CTNNA3: variants seen among roughly 807,000 people sequenced by gnomAD.
CTNNA3 encodes catenin alpha-3.
In CTNNA3, 76 loss-of-function variants were observed where a neutral mutation model predicts 95.7. That is an observed-to-expected ratio of 0.79 (90% CI 0.66 to 0.96). The LOEUF is 0.96. Among genes scored for constraint, CTNNA3 ranks in the 40% least tolerant of loss-of-function variants. CTNNA3 has a pLI of 0.00. For missense variants in CTNNA3, 1,191 were observed against 1,089.8 expected, an observed-to-expected ratio of 1.09 and a Z score of -1.31; for synonymous variants, 431 against 374.4, an observed-to-expected ratio of 1.15 and a Z score of -1.74.
At chr10:67,761,087 G>C (rs562651875) in intron 1 of CTNNA3, among the ~76,000 whole-genome samples, 1 of 152,242 alleles carries the variant, frequency 6.6e-6, no homozygotes, top group South Asian at 2.1e-4. Context: ...CTACAAACCT[G>C]TACAACATAT....
At chr10:66,399,382 A>T (rs1335731043) in intron 11 of CTNNA3, among the ~76,000 whole-genome samples, 1 of 151,698 alleles carries the variant, frequency 6.6e-6, no homozygotes, top group Non-Finnish European at 1.5e-5. Context: ...ATTTTAACAG[A>T]AAAAAACCAC....
intron 7 of CTNNA3, among the ~76,000 whole-genome samples, chr10:67,110,624 C>A (rs1858871612): frequency 6.6e-6 from 1 of 152,108 alleles, no homozygotes; most frequent in Non-Finnish European, 1.5e-5. Context: ...CTTTCCTTTG[C>A]AGGTTTGTAC....
At chr10:66,973,648 C>T (rs1005540045) in intron 7 of CTNNA3, among the ~76,000 whole-genome samples, 5 of 152,104 alleles carry the variant, frequency 3.3e-5, no homozygotes, top group Non-Finnish European at 5.9e-5. Context: ...TGTTTCAAGA[C>T]GGAGTCTCAC....
At position 65,965,393 on chromosome 10, in the gene CTNNA3, C is replaced by CTTTTTT. The variant is rs561552884; in HGVS notation, c.2400+1213_2400+1218dup. Among the ~76,000 whole-genome samples, 95 of 77,674 alleles carry CTTTTTT rather than the reference C, an allele frequency of 1.2e-3. 7 individuals carry two copies. Among genetic ancestry groups the CTTTTTT allele is most frequent in the African/African-American group, 2.6e-3 (50 of 19,056 alleles). The allele number at this position is 77,674 out of a possible 152,430, so 51.0% of individuals were successfully genotyped here. On this transcript the variant is annotated intron_variant, in intron 17 of 17. Coordinates refer to ENST00000433211, the MANE Select transcript of CTNNA3 (RefSeq NM_013266.4). Reference sequence around the variant, plus strand: ...GTCACTATTTGTTTCCTCCCCTCTACTTTTTTTTTTTTTTTTTTTTTTTTT... The same window carrying CTTTTTT: ...GTCACTATTTGTTTCCTCCCCTCTACTTTTTTTTTTTTTTTTTTTTTTTTTTTTTTT...
chr10:66,300,237 A>G (rs914014113), intron 12 of CTNNA3, among the ~76,000 whole-genome samples: 4 of 152,130 alleles, frequency 2.6e-5, no homozygotes, highest in African/African-American at 9.7e-5. Context: ...AATATCACAG[A>G]TATAATTTTT....
chr10:67,047,062 T>C (rs1854800115), intron 7 of CTNNA3, among the ~76,000 whole-genome samples: 1 of 152,222 alleles, frequency 6.6e-6, no homozygotes, highest in African/African-American at 2.4e-5. Context: ...TCTGATTCCT[T>C]GCTTCTGCTT....
chr10:67,355,417 T>G (rs1483621779), intron 5 of CTNNA3, among the ~76,000 whole-genome samples: 1 of 151,970 alleles, frequency 6.6e-6, no homozygotes, highest in African/African-American at 2.4e-5. Flanking sequence ...CTAGTTTTAT[T>G]TAAACTAACC....
At chr10:66,461,669 C>T (rs865869349) in intron 11 of CTNNA3, among the ~76,000 whole-genome samples, 5 of 139,322 alleles carry the variant, frequency 3.6e-5, no homozygotes, top group Admixed American at 2.1e-4. Context: ...AGTTTGCACT[C>T]ACGTTATATA....
At chr10:67,231,064 A>G (rs966456931) in intron 5 of CTNNA3, among the ~76,000 whole-genome samples, 26 of 152,172 alleles carry the variant, frequency 1.7e-4, no homozygotes, top group Admixed American at 6.5e-4. Context: ...CAGCAGTCTG[A>G]GATCAAACTG....
intron 13 of CTNNA3, among the ~76,000 whole-genome samples, chr10:66,237,972 T>C (rs2089935323): frequency 6.6e-6 from 1 of 152,060 alleles, no homozygotes; most frequent in Non-Finnish European, 1.5e-5. Flanking sequence ...CTATAAATGA[T>C]AAATTTTTTT....
At chr10:67,273,466 T>A (rs76237251) in intron 5 of CTNNA3, among the ~76,000 whole-genome samples, 1 of 152,148 alleles carries the variant, frequency 6.6e-6, no homozygotes, top group African/African-American at 2.4e-5. Flanking sequence ...AGAACTCTTA[T>A]ACATTAGTCA....
chr10:66,971,241 C>G (rs1367951940), intron 7 of CTNNA3, among the ~76,000 whole-genome samples: 1 of 152,048 alleles, frequency 6.6e-6, no homozygotes. Flanking sequence ...GCCTGACCAA[C>G]ATAGTGAAAC....
intron 5 of CTNNA3, among the ~76,000 whole-genome samples, chr10:67,400,492 A>G (rs2132804859): frequency 1.3e-5 from 2 of 152,320 alleles, no homozygotes; most frequent in African/African-American, 4.8e-5. Context: ...CTCCCTACAA[A>G]TGGGCATCCT....
At chr10:67,112,332 T>C (rs1554923629) in intron 7 of CTNNA3, among the ~76,000 whole-genome samples, 1 of 152,046 alleles carries the variant, frequency 6.6e-6, no homozygotes, top group Non-Finnish European at 1.5e-5. Context: ...TTCCCTTGTC[T>C]TTTTTTTCCT....
rs1843069915 is a variant in CTNNA3 at position 67,601,106 on chromosome 10, T to A, written c.292+5751A>T. Among the ~76,000 whole-genome samples the A allele has an allele frequency of 2.0e-5, 3 of 152,226 alleles. No homozygotes were observed. The East Asian group carries it at 5.8e-4, about 29-fold the overall frequency. On this transcript the variant is annotated intron_variant, in intron 3 of 17. Coordinates refer to ENST00000433211, the MANE Select transcript of CTNNA3 (RefSeq NM_013266.4). Reference sequence around the variant, plus strand: ...GGAGGTTACATGAGTGTGTTCACTATGTGGATATGTATTGTTGTTAGAGAT... The same window carrying A: ...GGAGGTTACATGAGTGTGTTCACTAAGTGGATATGTATTGTTGTTAGAGAT...
chr10:67,607,883 T>C (rs372594004), intron 2 of CTNNA3, among the ~76,000 whole-genome samples: 3 of 152,262 alleles, frequency 2.0e-5, no homozygotes, highest in African/African-American at 7.2e-5. Flanking sequence ...ATTTTTTACA[T>C]TGTTCTGGAT....
intron 5 of CTNNA3, among the ~76,000 whole-genome samples, chr10:67,387,301 G>A (rs1246906597): frequency 2.0e-5 from 3 of 152,066 alleles, no homozygotes; most frequent in Admixed American, 1.3e-4. Context: ...GGTGACGGAC[G>A]GCACCTGAAA....
chr10:67,290,916 T>G (rs1206376928), intron 5 of CTNNA3, among the ~76,000 whole-genome samples: 1 of 152,168 alleles, frequency 6.6e-6, no homozygotes, highest in Non-Finnish European at 1.5e-5. Context: ...TGCTAATCCA[T>G]GTTCAGTCTG....
At chr10:66,422,875 C>T (rs1315982315) in intron 11 of CTNNA3, among the ~76,000 whole-genome samples, 1 of 150,582 alleles carries the variant, frequency 6.6e-6, no homozygotes, top group Non-Finnish European at 1.5e-5. Context: ...AGTGATCCAC[C>T]TCCCTCGGCC....
Sources: gnomAD v4.1 joint callset for allele counts (sites outside exome capture counted in the v4.1 genomes callset) on GRCh38, gnomAD v4.1.1 for gene constraint, MANE v1.5 for transcripts, NCBI Gene and HGNC (gene_info 2026-07-23, HGNC 2026-07-21) for gene names.